Variants in PDZD2 observed in about 807,000 individuals in gnomAD.
PDZD2 encodes PDZ domain containing 2, also known as PDZ domain-containing protein 2.
Under a neutral mutation model 220.7 loss-of-function variants are expected in PDZD2, and 90 were observed. The observed-to-expected ratio is 0.41, with a 90% confidence interval of 0.34 to 0.49. The LOEUF (loss-of-function observed/expected upper bound fraction) is 0.49. PDZD2 is among the 20% of genes least tolerant of loss of function. The pLI is 0.28. For missense variants in PDZD2, 3,174 were observed against 3,608.5 expected, an observed-to-expected ratio of 0.88 and a Z score of 3.08; for synonymous variants, 1,375 against 1,450.5, an observed-to-expected ratio of 0.95 and a Z score of 1.18.
rs73749663 is a variant in PDZD2, at chr5:31,769,948, A to G, written c.-360-28941A>G. On this transcript the variant is annotated intron_variant, in intron 1 of 24. Coordinates refer to ENST00000438447, the MANE Select transcript of PDZD2 (RefSeq NM_178140.4). The stretch of plus-strand genomic sequence containing the variant: ...GGTCAAAGTGTCTTATGAGTCCCCA[A>G]GTGAAGTCTTTGTAACTCATCTGTC... 9.2e-3 allele frequency among the ~76,000 whole-genome samples: 1,400 copies of G among 152,278 alleles called. 10 individuals carry two copies. The highest frequency in any genetic ancestry group is 0.032 in the African/African-American group (1,331 of 41,556).
At position 31,977,017 on chromosome 5, in the gene PDZD2, G is replaced by GTTT. The variant is rs199573652; in HGVS notation, c.477-6136_477-6134dup. ...ATGCGTGAGCCAACGCGCCTGGCCA[G>GTTT]TTTTGTTTTTTTTTTTTTAAAGTAG... On this transcript the variant is annotated intron_variant, in intron 2 of 24. Transcript: ENST00000438447. Among the ~76,000 whole-genome samples the GTTT allele has an allele frequency of 2.8e-3, 419 of 147,174 alleles. 2 individuals are homozygous for GTTT. Among genetic ancestry groups the GTTT allele is most frequent in the African/African-American group, 0.01 (405 of 39,774 alleles).
chr5:31,906,301 G>A (rs1477986888), intron 2 of PDZD2, among the ~76,000 whole-genome samples: 1 of 149,780 alleles, frequency 6.7e-6, no homozygotes, highest in African/African-American at 2.5e-5. Context: ...TTGAGATGGG[G>A]TCTCACCCTG....
chr5:31,901,639 G>T (rs1742112352), intron 2 of PDZD2, among the ~76,000 whole-genome samples: 1 of 152,032 alleles, frequency 6.6e-6, no homozygotes, highest in African/African-American at 2.4e-5. Flanking sequence ...CACATTTAAT[G>T]CATTTAAAAT....
In PDZD2 at chr5:32,003,130, CA is replaced by C. The variant is rs150301447; in HGVS notation, c.1254+2860del. The stretch of plus-strand genomic sequence containing the variant: ...CCACAAACACACCACGCGCCACACA[CA>C]CACCACACACACACCACACACCACC... On this transcript the variant is annotated intron_variant, in intron 5 of 24. Coordinates refer to ENST00000438447, the MANE Select transcript of PDZD2 (RefSeq NM_178140.4). Among the ~76,000 whole-genome samples the C allele has an allele frequency of 3.2e-3, 57 of 17,580 alleles. No homozygotes were observed. In the Non-Finnish European group the frequency reaches 0.041, roughly 13 times the overall value. 11.5% of individuals were successfully genotyped at this position (17,580 alleles called of 152,430 possible). A position where few individuals can be genotyped will look rare whatever the true frequency, so the allele number is the denominator to read the frequency against.
chr5:32,091,135 G>C lies in PDZD2; in HGVS notation c.7687G>C (p.Ala2563Pro). Residue 2563 changes from alanine (A) to proline (P), a missense_variant, in exon 20 of 25, where the codon GCT (alanine) becomes CCT (proline). By Grantham distance (27) the Ala-to-Pro change is conservative. Transcript: ENST00000438447. ...CAGTTCAGCCAGTGATACGGGTGAAGCTGCCCAGGATCTGCCTTTTAGAAG... is the reference window on the plus strand; with the variant it reads ...CAGTTCAGCCAGTGATACGGGTGAACCTGCCCAGGATCTGCCTTTTAGAAG... ...TPSSASDTGE[A>P]AQDLPFRRSW... The C allele has an allele frequency of 6.3e-7, 1 of 1,591,506 alleles. No homozygotes were observed. The highest frequency in any genetic ancestry group is 8.6e-7 in the Non-Finnish European group (1 of 1,162,294).
intron 24 of PDZD2, among the ~76,000 whole-genome samples, chr5:32,101,969 G>A (rs1383916841): frequency 3.9e-5 from 6 of 152,152 alleles, no homozygotes; most frequent in Non-Finnish European, 7.3e-5. Flanking sequence ...GAGTAAGTAG[G>A]TCAGCAAATA....
At chr5:31,973,809 G>A (rs949218447) in intron 2 of PDZD2, among the ~76,000 whole-genome samples, 10 of 152,108 alleles carry the variant, frequency 6.6e-5, no homozygotes, top group African/African-American at 2.2e-4. Flanking sequence ...ATCACTTGAG[G>A]CTAGGAGTTT....
chr5:31,914,460 G>A (rs1327399572), intron 2 of PDZD2, among the ~76,000 whole-genome samples: 2 of 152,130 alleles, frequency 1.3e-5, no homozygotes, highest in African/African-American at 2.4e-5. Context: ...CCCAGGAGGC[G>A]GAGGTTGCAG....
intron 18 of PDZD2, among the ~76,000 whole-genome samples, chr5:32,076,590 T>C (rs1421776619): frequency 6.6e-6 from 1 of 152,180 alleles, no homozygotes; most frequent in Non-Finnish European, 1.5e-5. Flanking sequence ...GTACGTGAGT[T>C]AAATTCTGTT....
chr5:32,098,475 G>A lies in PDZD2; in HGVS notation c.8059G>A (p.Val2687Ile). Reference sequence around the variant, plus strand: ...ACTGGCTGGCTTAGCCCACGGGAATGTCCTGAAGGTTCTGCACCAGGCACA... The same window carrying A: ...ACTGGCTGGCTTAGCCCACGGGAATATCCTGAAGGTTCTGCACCAGGCACA... ...ASLAGLAHGN[V>I]LKVLHQAQLH... Residue 2687 changes from valine to isoleucine, a missense_variant, in exon 23 of 25, where the codon GTC becomes ATC. Val to Ile is a conservative substitution (Grantham distance 29, BLOSUM62 3). Transcript: ENST00000438447. The surrounding 1 kb of genome is among the most constrained non-coding windows in gnomAD (Gnocchi z 4.1). 2 of 1,614,162 alleles carry A rather than the reference G, an allele frequency of 1.2e-6. No homozygotes were observed. Among genetic ancestry groups the A allele is most frequent in the Non-Finnish European group, 1.7e-6 (2 of 1,180,038 alleles).
At chr5:31,855,920 G>T (rs923765570) in intron 2 of PDZD2, among the ~76,000 whole-genome samples, 24 of 152,190 alleles carry the variant, frequency 1.6e-4, no homozygotes, top group Non-Finnish European at 2.5e-4. Flanking sequence ...TCATGAGATG[G>T]AGGGAAAGAA....
In PDZD2 at chr5:31,992,350, C is replaced by T. The variant is rs546227130; in HGVS notation, c.979-3226C>T. Among the ~76,000 whole-genome samples, 8 of 152,072 alleles carry T rather than the reference C, an allele frequency of 5.3e-5. No homozygotes were observed. In the East Asian group the frequency reaches 9.7e-4, roughly 18 times the overall value. On this transcript the variant is annotated intron_variant, in intron 3 of 24. Coordinates refer to ENST00000438447, the MANE Select transcript of PDZD2 (RefSeq NM_178140.4). ...GTGTTTTGCATGACTTTATTTTTAA[C>T]GAGTTTTGTGGTTTGGGGCTGGGGG... is the stretch of plus-strand genomic sequence containing the variant.
At position 31,723,344 on chromosome 5, in the gene PDZD2, G is replaced by GT. The variant is rs150185595; in HGVS notation, c.-360-75535dup. On this transcript the variant is annotated intron_variant, in intron 1 of 24. Coordinates refer to ENST00000438447, the MANE Select transcript of PDZD2 (RefSeq NM_178140.4). ...TTTTAAGATGCTAGTTTTTTGTTTT[G>GT]TTTTTTTTTTCTGGAATGAGATTGG... is the stretch of plus-strand genomic sequence containing the variant. Among the ~76,000 whole-genome samples, 267 of 146,702 alleles carry GT rather than the reference G, an allele frequency of 1.8e-3. 1 individual carries two copies. Among genetic ancestry groups the GT allele is most frequent in the South Asian group, 0.011 (53 of 4,642 alleles).
intron 7 of PDZD2, among the ~76,000 whole-genome samples, chr5:32,039,291 G>A (rs1755826908): frequency 6.6e-6 from 1 of 151,814 alleles, no homozygotes; most frequent in Non-Finnish European, 1.5e-5. Context: ...ATTTTTGGTG[G>A]AGACGGGGTT....
At chr5:31,951,405 G>C (rs1031860491) in intron 2 of PDZD2, among the ~76,000 whole-genome samples, 2 of 152,190 alleles carry the variant, frequency 1.3e-5, no homozygotes, top group African/African-American at 4.8e-5. Flanking sequence ...TCTCATTCAC[G>C]AGGTTCTCTA....
chr5:31,673,646 A>T (rs1746296245), intron 1 of PDZD2, among the ~76,000 whole-genome samples: 1 of 152,138 alleles, frequency 6.6e-6, no homozygotes, highest in Non-Finnish European at 1.5e-5. Flanking sequence ...TCGAAGATAG[A>T]GCCCTCACAA....
intron 1 of PDZD2, chr5:31,754,222 G>C (rs769204315): frequency 6.6e-6 from 1 of 152,222 alleles, no homozygotes; most frequent in African/African-American, 2.4e-5. Context: ...ATTGATCCTC[G>C]CGCCCTCTTC....
At position 32,074,305 on chromosome 5, in the gene PDZD2, A is replaced by C. The variant is rs751306288; in HGVS notation, c.3199A>C (p.Lys1067Gln). 1.9e-6 allele frequency: 3 copies of C among 1,613,988 alleles called. No homozygotes were observed. The South Asian group carries it at 3.3e-5, about 18-fold the overall frequency. ...ANLTDSAEAP[K>Q]GSPGSWWKKE... ...CCTCACGGACTCTGCAGAGGCCCCCAAGGGGAGCCCTGGAAGCTGGTGGAA... is the reference window on the plus strand; with the variant it reads ...CCTCACGGACTCTGCAGAGGCCCCCCAGGGGAGCCCTGGAAGCTGGTGGAA... The change falls in exon 18 of 25, where the codon AAG becomes CAG. Residue 1067 changes from lysine (K) to glutamine (Q), a missense_variant. By Grantham distance (53) the Lys-to-Gln change is moderately conservative (BLOSUM62 1). Coordinates refer to ENST00000438447, the MANE Select transcript of PDZD2 (RefSeq NM_178140.4).
chr5:31,916,676 G>A lies in PDZD2; in HGVS notation c.477-66479G>A, dbSNP rs922542892. On this transcript the variant is annotated intron_variant, in intron 2 of 24. Transcript: ENST00000438447. Reference sequence around the variant, plus strand: ...CAGCTGTTTTCTTCATGGATCCCTGGGTGTTCCTGATTCTCTTTGGAGGCC... The same window carrying A: ...CAGCTGTTTTCTTCATGGATCCCTGAGTGTTCCTGATTCTCTTTGGAGGCC... 1.8e-4 allele frequency among the ~76,000 whole-genome samples: 4 copies of A among 22,050 alleles called. No individual in the cohort carries two copies. The African/African-American group carries it at 2.7e-3, about 15-fold the overall frequency. The allele number at this position is 22,050 out of a possible 152,430, so 14.5% of individuals were successfully genotyped here. A position where few individuals can be genotyped will look rare whatever the true frequency, so the allele number is the denominator to read the frequency against.
Sources: allele counts gnomAD v4.1 joint callset (sites outside exome capture counted in the v4.1 genomes callset), GRCh38; gene constraint gnomAD v4.1.1; non-coding constraint Gnocchi (gnomAD v3.1); transcripts MANE v1.5; gene names NCBI Gene and HGNC (gene_info 2026-07-23, HGNC 2026-07-21).